Variants in ATP8B4 observed in about 807,000 individuals in gnomAD.
ATP8B4 encodes the protein probable phospholipid-transporting ATPase IM.
In ATP8B4, 133 loss-of-function variants were observed where a neutral mutation model predicts 145.6. That is an observed-to-expected ratio of 0.91 (90% CI 0.79 to 1.05). The LOEUF (loss-of-function observed/expected upper bound fraction) is 1.05. Among genes scored for constraint, ATP8B4 ranks in the 50% least tolerant of loss-of-function variants. The probability of loss-of-function intolerance (pLI) is 0.00; values close to 1 mark genes in which losing one functional copy is unlikely to be tolerated. For synonymous variants in ATP8B4, 507 were observed against 492.9 expected, an observed-to-expected ratio of 1.03 and a Z score of -0.38; for missense variants, 1,458 against 1,425.2, an observed-to-expected ratio of 1.02 and a Z score of -0.37.
intron 10 of ATP8B4, among the ~76,000 whole-genome samples, chr15:49,984,241 A>G (rs1053716716): frequency 2.6e-5 from 4 of 152,220 alleles, no homozygotes; most frequent in South Asian, 4.1e-4. Flanking sequence ...GAACCTCGAC[A>G]TAAGTAATTC....
intron 1 of ATP8B4, among the ~76,000 whole-genome samples, chr15:50,172,214 C>T (rs1422509589): frequency 2.6e-5 from 4 of 152,250 alleles, no homozygotes; most frequent in East Asian, 3.8e-4. Flanking sequence ...ACTGTACTGC[C>T]GCCATCTCCG....
At chr15:50,100,792 C>A (rs764180341) in intron 2 of ATP8B4, among the ~76,000 whole-genome samples, 1 of 152,068 alleles carries the variant, frequency 6.6e-6, no homozygotes, top group Non-Finnish European at 1.5e-5. Flanking sequence ...AGTTACACAG[C>A]CAAAACTTAG....
At chr15:50,079,194 T>C (rs2054383890) in intron 2 of ATP8B4, among the ~76,000 whole-genome samples, 2 of 152,068 alleles carry the variant, frequency 1.3e-5, no homozygotes, top group African/African-American at 4.8e-5. Context: ...GTATAACCCA[T>C]AAATAGATAT....
intron 2 of ATP8B4, among the ~76,000 whole-genome samples, chr15:50,078,104 G>A (rs1382057495): frequency 3.3e-5 from 5 of 152,134 alleles, no homozygotes; most frequent in Non-Finnish European, 2.9e-5. Context: ...AGAAAAAGGG[G>A]ATTGGTTTCT....
intron 9 of ATP8B4, among the ~76,000 whole-genome samples, chr15:49,995,048 T>C (rs1008255615): frequency 6.6e-6 from 1 of 152,134 alleles, no homozygotes; most frequent in Non-Finnish European, 1.5e-5. Flanking sequence ...TGAGCAAGAA[T>C]AAGCCTTTAC....
intron 23 of ATP8B4, among the ~76,000 whole-genome samples, chr15:49,882,225 A>G (rs1180217587): frequency 1.3e-5 from 2 of 152,040 alleles, no homozygotes; most frequent in African/African-American, 4.8e-5. Flanking sequence ...CCCAAGGTAC[A>G]TGGTTCAGAG....
intron 1 of ATP8B4, among the ~76,000 whole-genome samples, chr15:50,130,660 C>A (rs1468287290): frequency 1.3e-5 from 2 of 151,986 alleles, no homozygotes; most frequent in Non-Finnish European, 2.9e-5. Context: ...CCTGTAGTCC[C>A]AGCTACTCAG....
chr15:49,967,031 G>C (rs1053957960), intron 13 of ATP8B4, among the ~76,000 whole-genome samples: 12 of 152,308 alleles, frequency 7.9e-5, no homozygotes, highest in African/African-American at 2.9e-4. Flanking sequence ...TGAGGGGCCT[G>C]ACTGTTAGAA....
chr15:49,913,335 T>C (rs1472751503), intron 20 of ATP8B4, among the ~76,000 whole-genome samples: 2 of 152,066 alleles, frequency 1.3e-5, no homozygotes, highest in African/African-American at 4.8e-5. Flanking sequence ...CATCCCTTCA[T>C]AAAAACTCTC....
At chr15:50,176,247 T>C (rs1173234725) in intron 1 of ATP8B4, among the ~76,000 whole-genome samples, 1 of 152,152 alleles carries the variant, frequency 6.6e-6, no homozygotes, top group Non-Finnish European at 1.5e-5. Flanking sequence ...GAGACTATTA[T>C]TCTAAGTGAT....
At chr15:49,952,339 C>A (rs1018425739) in intron 14 of ATP8B4, among the ~76,000 whole-genome samples, 17 of 152,168 alleles carry the variant, frequency 1.1e-4, no homozygotes, top group African/African-American at 4.1e-4. Flanking sequence ...TCCAATCAAT[C>A]ATAGGTTTGG....
chr15:50,029,749 G>C (rs1343022248), intron 6 of ATP8B4, among the ~76,000 whole-genome samples: 1 of 152,214 alleles, frequency 6.6e-6, no homozygotes, highest in African/African-American at 2.4e-5. Context: ...AGATGAAGGA[G>C]AGGGAATCAT....
intron 1 of ATP8B4, among the ~76,000 whole-genome samples, chr15:50,131,965 C>A (rs2044054093): frequency 1.3e-5 from 2 of 151,822 alleles, no homozygotes; most frequent in East Asian, 3.9e-4. Context: ...TTATATTAGT[C>A]CAAATTCTTA....
At chr15:50,022,238 T>C (rs2049637811) in intron 6 of ATP8B4, among the ~76,000 whole-genome samples, 1 of 152,192 alleles carries the variant, frequency 6.6e-6, no homozygotes, top group Admixed American at 6.5e-5. Flanking sequence ...CATTTTTAGT[T>C]GATAAATTTT....
intron 1 of ATP8B4, among the ~76,000 whole-genome samples, chr15:50,157,711 C>A (rs1257343124): frequency 6.7e-6 from 1 of 148,864 alleles, no homozygotes; most frequent in Non-Finnish European, 1.5e-5. Flanking sequence ...GTAGTATGGA[C>A]CCTTTAACAT....
At chr15:50,072,873 G>C (rs1221222400) in intron 3 of ATP8B4, among the ~76,000 whole-genome samples, 1 of 137,350 alleles carries the variant, frequency 7.3e-6, no homozygotes, top group Non-Finnish European at 1.5e-5. Context: ...GCCCACCTTG[G>C]CCTCCCAAAC....
chr15:50,112,881 C>T (rs991024927), intron 1 of ATP8B4, among the ~76,000 whole-genome samples: 2 of 152,086 alleles, frequency 1.3e-5, no homozygotes, highest in East Asian at 1.9e-4. Flanking sequence ...TCAACAAGGC[C>T]CCTGCTTCCC....
intron 1 of ATP8B4, among the ~76,000 whole-genome samples, chr15:50,145,982 T>C (rs1452667075): frequency 6.6e-6 from 1 of 151,772 alleles, no homozygotes. Flanking sequence ...TATTTTTATA[T>C]AGTTTTTACT....
chr15:50,177,742 C>G (rs2044784588), intron 1 of ATP8B4, among the ~76,000 whole-genome samples: 1 of 152,178 alleles, frequency 6.6e-6, no homozygotes, highest in Admixed American at 6.5e-5. Flanking sequence ...TCAGCAATAC[C>G]TGGTAACTTC....
Sources: gnomAD v4.1 joint callset for allele counts (sites outside exome capture counted in the v4.1 genomes callset) on GRCh38, gnomAD v4.1.1 for gene constraint, MANE v1.5 for transcripts, NCBI Gene and HGNC (gene_info 2026-07-23, HGNC 2026-07-21) for gene names.